Variants in MYH14 observed in about 807,000 individuals in gnomAD.
MYH14 encodes the protein myosin heavy chain 14.
A neutral mutation model predicts 255.5 loss-of-function variants in MYH14; 123 were observed. The observed-to-expected ratio is 0.48, with a 90% CI of 0.42 to 0.56. The LOEUF (loss-of-function observed/expected upper bound fraction) is 0.56, where lower values mean the gene tolerates loss of function less well. Among genes scored for constraint, MYH14 ranks in the 20% least tolerant of loss-of-function variants. MYH14 has a pLI of 0.00. For synonymous variants in MYH14, 1,095 were observed against 1,161.2 expected (o/e 0.94, Z 1.16); for missense variants, 2,423 against 2,802.3 (o/e 0.86, Z 3.06).
chr19:50,261,018 CT>C (rs1359659222), intron 20 of MYH14, among the ~76,000 whole-genome samples: 1 of 125,328 alleles, frequency 8.0e-6, no homozygotes, highest in Non-Finnish European at 1.7e-5. Flanking sequence ...TCATCATCCC[CT>C]ATCACCCCCC....
rs2033348358 is a variant in MYH14 at position 50,230,901 on chromosome 19, G to A, written c.973+278G>A. 1 of 448,094 alleles carries A rather than the reference G, an allele frequency of 2.2e-6. No individual in the cohort carries two copies. Among genetic ancestry groups the A allele is most frequent in the Non-Finnish European group, 4.1e-6 (1 of 245,152 alleles). The allele number at this position is 448,094 out of a possible 1,614,324, so 27.8% of individuals were successfully genotyped here. On this transcript the variant is annotated intron_variant, in intron 9 of 42. Transcript: ENST00000642316. This position sits in a 1 kb window ranked among gnomAD's most constrained non-coding sequence, Gnocchi z 4.7. ...CGCCTGGTGGCTCCTGCTCACGCTC[G>A]CTTCCGAAGCTCCGTGGCTTCTCTC...
intron 40 of MYH14, among the ~76,000 whole-genome samples, chr19:50,306,021 G>A (rs2036639879): frequency 6.6e-6 from 1 of 152,198 alleles, no homozygotes; most frequent in South Asian, 2.1e-4. Context: ...GCTCACGCCT[G>A]TAATCCCAGC....
chr19:50,222,263 G>A (rs190017709), intron 3 of MYH14, among the ~76,000 whole-genome samples: 43 of 152,066 alleles, frequency 2.8e-4, no homozygotes, highest in Admixed American at 1.8e-3. Context: ...GGTGGATCAC[G>A]AGGTCAGGAG....
chr19:50,307,597 A>G (rs1447341518), intron 41 of MYH14, among the ~76,000 whole-genome samples: 1 of 152,224 alleles, frequency 6.6e-6, no homozygotes, highest in Admixed American at 6.5e-5. Flanking sequence ...AAAATTATTT[A>G]GCTGGTAAGA....
chr19:50,217,350 C>T (rs1383057382), intron 2 of MYH14, among the ~76,000 whole-genome samples: 1 of 152,180 alleles, frequency 6.6e-6, no homozygotes, highest in East Asian at 1.9e-4. Flanking sequence ...AGGCTGTGAC[C>T]CAAGTCTGGC....
Position 50,268,298 on chromosome 19 carries a change from C to T in MYH14, c.2964C>T (p.Arg988=). The T allele has an allele frequency of 3.8e-6, 6 of 1,588,170 alleles. No individual in the cohort carries two copies. The highest frequency in any genetic ancestry group is 2.3e-5 in the East Asian group (1 of 43,368). The change falls in exon 24 of 43, where the codon CGC becomes CGT. Residue 988 remains arginine (R), a synonymous_variant. Coordinates refer to ENST00000642316, the MANE Select transcript of MYH14 (RefSeq NM_001145809.2). ...LELVVSELEA[R]VGEEEECSRQ... ...TGGTGGTGTCAGAGCTGGAGGCTCG[C>T]GTGGGCGAGGAGGAGGAGTGCAGCC... is the stretch of plus-strand genomic sequence containing the variant.
chr19:50,224,759 A>G (rs2033012680), intron 6 of MYH14: 15 of 456,222 alleles, frequency 3.3e-5, no homozygotes, highest in South Asian at 2.2e-4. Flanking sequence ...GGCCTATTAT[A>G]TGCCAGACTG....
chr19:50,257,542 G>C, intron 18 of MYH14, 56 bp downstream of exon 18: 1 of 1,525,896 alleles, frequency 6.6e-7, no homozygotes. Flanking sequence ...TTAAGGTTTG[G>C]CCTCTGGACT....
chr19:50,281,734 G>A lies in MYH14; in HGVS notation c.4431G>A (p.Glu1477=). 1 of 1,611,826 alleles carries A rather than the reference G, an allele frequency of 6.2e-7. No individual in the cohort carries two copies. Among genetic ancestry groups the A allele is most frequent in the South Asian group, 1.1e-5 (1 of 91,056 alleles). Residue 1477 remains glutamate (E), a synonymous_variant, in exon 33 of 43, where the codon GAG becomes GAA. Transcript: ENST00000642316. ...AGACAGAGACCGTGGATCGGCTGGAGCGGGGCCGCCGCCGGCTGCAGCAGG... is the reference window on the plus strand; with the variant it reads ...AGACAGAGACCGTGGATCGGCTGGAACGGGGCCGCCGCCGGCTGCAGCAGG... ...AEKTETVDRL[E]RGRRRLQQEL...
intron 24 of MYH14, among the ~76,000 whole-genome samples, chr19:50,268,788 C>T (rs2035190465): frequency 6.6e-6 from 1 of 151,804 alleles, no homozygotes; most frequent in African/African-American, 2.4e-5. Context: ...GATCCAGGTG[C>T]CCAAGTGATG....
In MYH14 at chr19:50,210,691, A is replaced by C. The variant is rs1303675491; in HGVS notation, c.326A>C (p.Asp109Ala). The C allele has an allele frequency of 6.4e-7, 1 of 1,570,426 alleles. No individual in the cohort carries two copies. The highest frequency in any genetic ancestry group is 8.6e-7 in the Non-Finnish European group (1 of 1,159,686). The stretch of plus-strand genomic sequence containing the variant: ...CCGCCCAAGTTCAGCAAGGCCGAGG[A>C]CATGGCCGAGCTGACCTGCCTCAAC... ...MNPPKFSKAE[D>A]MAELTCLNEA... is the part of the protein sequence containing the mutation. Residue 109 changes from aspartate to alanine, a missense_variant, in exon 2 of 43, where the codon GAC becomes GCC. This residue lies in a region of MYH14 where 238 missense variants were observed against 245.8 expected (regional missense o/e 0.97). Coordinates refer to ENST00000642316, the MANE Select transcript of MYH14 (RefSeq NM_001145809.2).
chr19:50,309,163 G>C lies in MYH14; in HGVS notation c.5946G>C (p.Leu1982=). 6.2e-7 allele frequency: 1 copy of C among 1,613,842 alleles called. No homozygotes were observed. The highest frequency in any genetic ancestry group is 1.1e-5 in the South Asian group (1 of 91,084). ...AESMNREVTT[L]RNRLRRGPLT... is the part of the protein sequence containing the mutation. ...CCATGAACCGTGAAGTGACCACACT[G>C]AGGAACCGGCTTCGGTATGGTCATC... The change falls in exon 42 of 43, where the codon CTG becomes CTC. Residue 1982 remains leucine, a synonymous_variant. Transcript: ENST00000642316.
At position 50,247,081 on chromosome 19, in the gene MYH14, G is replaced by T. The variant is rs1418810562; in HGVS notation, c.1288G>T (p.Val430Phe). Residue 430 changes from valine to phenylalanine, a missense_variant, in exon 12 of 43, where the codon GTT becomes TTT. Transcript: ENST00000642316. ...SRALLTPRIK[V>F]GRDYVQKAQT... Reference sequence around the variant, plus strand: ...AGCCTTGCTCACCCCTCGCATCAAAGTTGGCCGAGACTATGTGCAGAAAGC... The same window carrying T: ...AGCCTTGCTCACCCCTCGCATCAAATTTGGCCGAGACTATGTGCAGAAAGC... 2 of 1,613,586 alleles carry T rather than the reference G, an allele frequency of 1.2e-6. No individual in the cohort carries two copies. Among genetic ancestry groups the T allele is most frequent in the South Asian group, 2.2e-5 (2 of 90,936 alleles).
intron 1 of MYH14, among the ~76,000 whole-genome samples, chr19:50,208,367 A>G (rs543520060): frequency 4.7e-4 from 71 of 152,296 alleles, no homozygotes; most frequent in Admixed American, 3.1e-3. Flanking sequence ...GTGAGCCAAG[A>G]TCAAGCCACT....
chr19:50,228,665 T>C (rs1283598893), intron 8 of MYH14, among the ~76,000 whole-genome samples: 1 of 152,204 alleles, frequency 6.6e-6, no homozygotes, highest in East Asian at 1.9e-4. Context: ...TCCAGGTTCT[T>C]GGAGCTCATG....
intron 25 of MYH14, 102 bp from the exon 26 acceptor site, chr19:50,271,747 G>A (rs1297315246): frequency 6.5e-7 from 1 of 1,541,702 alleles, no homozygotes; most frequent in African/African-American, 1.4e-5. Flanking sequence ...GTGAAAAGGA[G>A]CAGAAACATA....
chr19:50,260,762 CGTGCATGAGTGT>C lies in MYH14; in HGVS notation c.2424+49_2424+60del, dbSNP rs756033127. ...ATGCGTGTGTGCGTGTGTGTGTGTG[CGTGCATGAGTGT>C]GCGTGCATGTGTGTGTGCATGCATA... On this transcript the variant is annotated intron_variant, in intron 20 of 42. Transcript: ENST00000642316. The C allele has an allele frequency of 0.025, 33,139 of 1,315,828 alleles. 872 individuals carry two copies. Among genetic ancestry groups the C allele is most frequent in the African/African-American group, 0.079 (5,104 of 64,424 alleles). 81.5% of individuals were successfully genotyped at this position (1,315,828 alleles called of 1,614,324 possible).
chr19:50,296,436 C>T (rs185970424), intron 39 of MYH14, among the ~76,000 whole-genome samples: 154 of 147,286 alleles, frequency 1.0e-3, no homozygotes, highest in South Asian at 4.6e-3. Flanking sequence ...AGTAAGACCC[C>T]GTCTCTACAA....
chr19:50,241,180 T>C (rs2033877126), intron 10 of MYH14, among the ~76,000 whole-genome samples: 1 of 152,176 alleles, frequency 6.6e-6, no homozygotes, highest in Non-Finnish European at 1.5e-5. Flanking sequence ...CTCATGCCTG[T>C]AATCCCAGCA....
Sources: allele counts gnomAD v4.1 joint callset (sites outside exome capture counted in the v4.1 genomes callset), GRCh38; gene constraint gnomAD v4.1.1; regional missense constraint gnomAD v4.1.1; non-coding constraint Gnocchi (gnomAD v3.1); transcripts MANE v1.5; gene names NCBI Gene and HGNC (gene_info 2026-07-23, HGNC 2026-07-21).